Variants in RIMS2 observed in about 807,000 individuals in gnomAD.
RIMS2 encodes regulating synaptic membrane exocytosis 2.
Under a neutral mutation model 174.4 loss-of-function variants are expected in RIMS2, and 59 were observed. The observed-to-expected ratio is 0.34, with a 90% CI of 0.27 to 0.42. The LOEUF (loss-of-function observed/expected upper bound fraction) is 0.42, where lower values mean the gene tolerates loss of function less well. Ranked by LOEUF, RIMS2 falls within the 10% of genes least tolerant of loss-of-function variation. RIMS2 has a pLI of 1.00. For missense variants in RIMS2, 1,620 were observed against 1,666.3 expected (o/e 0.97, Z 0.48); for synonymous variants, 606 against 572.5 (o/e 1.06, Z -0.84).
intron 19 of RIMS2, among the ~76,000 whole-genome samples, chr8:104,162,787 C>T (rs2098771384): frequency 1.3e-5 from 2 of 152,020 alleles, no homozygotes; most frequent in South Asian, 4.1e-4. Flanking sequence ...TAATTCTGAG[C>T]CAAGAAATAC....
chr8:103,792,292 G>T (rs1437933500), intron 3 of RIMS2, among the ~76,000 whole-genome samples: 2 of 152,136 alleles, frequency 1.3e-5, no homozygotes, highest in Non-Finnish European at 2.9e-5. Context: ...CACCTACATG[G>T]AAACTGAACA....
chr8:103,872,153 A>G (rs2099115400), intron 3 of RIMS2, among the ~76,000 whole-genome samples: 2 of 152,188 alleles, frequency 1.3e-5, no homozygotes, highest in South Asian at 4.1e-4. Flanking sequence ...TACCAATGTG[A>G]CATCACTGAA....
intron 1 of RIMS2, among the ~76,000 whole-genome samples, chr8:103,655,036 C>A (rs1416920050): frequency 6.6e-6 from 1 of 151,708 alleles, no homozygotes; most frequent in Non-Finnish European, 1.5e-5. Flanking sequence ...GAGGTTTGTT[C>A]ATTTCATATT....
chr8:103,669,022 T>G (rs1453808796), intron 1 of RIMS2, among the ~76,000 whole-genome samples: 1 of 152,186 alleles, frequency 6.6e-6, no homozygotes, highest in South Asian at 2.1e-4. Flanking sequence ...TTAGTCTGTT[T>G]TCACGCTGCC....
chr8:103,998,217 G>C (rs368600067), intron 17 of RIMS2: 7 of 1,609,916 alleles, frequency 4.3e-6, no homozygotes, highest in Non-Finnish European at 5.9e-6. Flanking sequence ...TCCAGATACA[G>C]TCAGACCATT....
At chr8:104,015,999 A>G (rs1004711998) in intron 19 of RIMS2, among the ~76,000 whole-genome samples, 3 of 152,086 alleles carry the variant, frequency 2.0e-5, no homozygotes, top group Non-Finnish European at 2.9e-5. Flanking sequence ...GTTAAATATG[A>G]TATAGTTTTA....
chr8:103,662,434 A>G (rs1376989804), intron 1 of RIMS2, among the ~76,000 whole-genome samples: 1 of 152,326 alleles, frequency 6.6e-6, no homozygotes, highest in Non-Finnish European at 1.5e-5. Context: ...TGTGAAAAAC[A>G]CATATTCTTA....
At chr8:103,780,846 C>T (rs754411766) in intron 3 of RIMS2, among the ~76,000 whole-genome samples, 1 of 152,004 alleles carries the variant, frequency 6.6e-6, no homozygotes, top group South Asian at 2.1e-4. Flanking sequence ...TTCCAATCTT[C>T]CCTGTCTGGC....
At chr8:104,225,329 A>T (rs1279590884) in intron 19 of RIMS2, among the ~76,000 whole-genome samples, 1 of 152,152 alleles carries the variant, frequency 6.6e-6, no homozygotes, top group Non-Finnish European at 1.5e-5. Flanking sequence ...CAACCTATTC[A>T]TTCAGCTCCC....
At position 103,936,693 on chromosome 8, in the gene RIMS2, C is replaced by T. The variant is rs561377229; in HGVS notation, c.2518C>T (p.Arg840Ter). The change falls in exon 13 of 24, where the codon CGA becomes TGA. Residue 840 changes from arginine to a stop codon, truncating the protein, a stop_gained. Coordinates refer to ENST00000504942, the Ensembl canonical transcript of RIMS2. LOFTEE classifies it high-confidence loss of function. The stretch of plus-strand genomic sequence containing the variant: ...TACCCTTTGGGATCAAGCTCGTGTT[C>T]GAGAGGAAGAAAGTGAATTCTTAGG... 4 of 1,606,562 alleles carry T rather than the reference C, an allele frequency of 2.5e-6. No individual in the cohort carries two copies. Among genetic ancestry groups the T allele is most frequent in the Non-Finnish European group, 2.5e-6 (3 of 1,177,134 alleles).
At chr8:103,937,706 A>G (rs1274515623) in intron 13 of RIMS2, among the ~76,000 whole-genome samples, 2 of 152,236 alleles carry the variant, frequency 1.3e-5, no homozygotes, top group African/African-American at 4.8e-5. Flanking sequence ...ATAAGAAGGC[A>G]TCAGGGTGAG....
At chr8:104,073,774 G>A (rs139217790) in intron 19 of RIMS2, among the ~76,000 whole-genome samples, 4 of 152,180 alleles carry the variant, frequency 2.6e-5, no homozygotes, top group East Asian at 3.9e-4. Context: ...ATATCCTGTC[G>A]CTTTTTCCCC....
At chr8:103,891,488 A>T (rs1030838858) in intron 4 of RIMS2, among the ~76,000 whole-genome samples, 2 of 152,084 alleles carry the variant, frequency 1.3e-5, no homozygotes, top group Non-Finnish European at 2.9e-5. Flanking sequence ...TTTCACTTTA[A>T]TTAAATAGCC....
At chr8:103,739,755 A>G (rs2097737072) in intron 2 of RIMS2, among the ~76,000 whole-genome samples, 1 of 152,152 alleles carries the variant, frequency 6.6e-6, no homozygotes, top group South Asian at 2.1e-4. Flanking sequence ...TTTATCATGT[A>G]TTACTCCTTC....
chr8:103,885,862 A>C (rs1008605161), exon 4 of RIMS2: 1 of 1,612,922 alleles, frequency 6.2e-7, no homozygotes, highest in Non-Finnish European at 8.5e-7. Context: ...CTCAGGGACC[A>C]AGTTCTTATG....
intron 1 of RIMS2, among the ~76,000 whole-genome samples, chr8:103,540,079 G>C (rs1487374262): frequency 6.6e-6 from 1 of 152,134 alleles, no homozygotes; most frequent in African/African-American, 2.4e-5. Flanking sequence ...TATGGCAGTG[G>C]GGTTGCCTGT....
chr8:103,881,280 A>C (rs983259061), intron 3 of RIMS2, among the ~76,000 whole-genome samples: 7 of 151,510 alleles, frequency 4.6e-5, no homozygotes, highest in Admixed American at 1.3e-4. Context: ...GTAGGTTTCC[A>C]TGTAATTTTT....
At chr8:104,108,664 A>G (rs1321746037) in intron 19 of RIMS2, among the ~76,000 whole-genome samples, 1 of 152,094 alleles carries the variant, frequency 6.6e-6, no homozygotes, top group Non-Finnish European at 1.5e-5. Flanking sequence ...TTTTAGATAT[A>G]ATGTAATTAT....
intron 19 of RIMS2, among the ~76,000 whole-genome samples, chr8:104,232,128 T>C (rs946166657): frequency 1.3e-5 from 2 of 152,214 alleles, no homozygotes; most frequent in Non-Finnish European, 2.9e-5. Flanking sequence ...ATATTTGTTA[T>C]CTCCCACAGT....
Sources: gnomAD v4.1 joint callset for allele counts (sites outside exome capture counted in the v4.1 genomes callset) on GRCh38, gnomAD v4.1.1 for gene constraint, MANE v1.5 for transcripts, NCBI Gene and HGNC (gene_info 2026-07-23, HGNC 2026-07-21) for gene names.